Variants in MOB1A observed in about 807,000 individuals in gnomAD.
The protein encoded by MOB1A is MOB1 Mps One Binder homolog A.
Under a neutral mutation model 25.1 loss-of-function variants are expected in MOB1A, and 10 were observed. That is an observed-to-expected ratio of 0.40 (90% CI 0.25 to 0.68). The LOEUF (loss-of-function observed/expected upper bound fraction) is 0.68. Among genes scored for constraint, MOB1A ranks in the 30% least tolerant of loss-of-function variants. The pLI is 0.40. For missense variants in MOB1A, 177 were observed against 256.3 expected, an observed-to-expected ratio of 0.69 and a Z score of 2.11; for synonymous variants, 81 against 79.5, an observed-to-expected ratio of 1.02 and a Z score of -0.10.
Position 74,152,551 on chromosome 2 carries a change from T to G in MOB1A, c.*4017A>C, listed in dbSNP as rs1692686367. On this transcript the variant is annotated 3_prime_UTR_variant, in exon 6 of 6. Coordinates refer to ENST00000396049, the MANE Select transcript of MOB1A (RefSeq NM_018221.5). Reference sequence around the variant, plus strand: ...TCTGCAAAACTCTCAAGTTTCTATATTTAAATAGAAATGTGTGTTGATATA... The same window carrying G: ...TCTGCAAAACTCTCAAGTTTCTATAGTTAAATAGAAATGTGTGTTGATATA... The G allele has an allele frequency of 6.6e-6, 1 of 152,202 alleles. No homozygotes were observed. The highest frequency in any genetic ancestry group is 6.5e-5 in the Admixed American group (1 of 15,276). 9.4% of individuals were successfully genotyped at this position (152,202 alleles called of 1,614,324 possible).
intron 4 of MOB1A, among the ~76,000 whole-genome samples, chr2:74,160,408 G>A (rs1189970102): frequency 6.6e-6 from 1 of 152,152 alleles, no homozygotes; most frequent in Non-Finnish European, 1.5e-5. Flanking sequence ...AAGGCAGCCG[G>A]GCACAGTGGC....
intron 5 of MOB1A, 103 bp from the exon 6 acceptor site, chr2:74,156,748 A>G (rs1692817000): frequency 1.3e-6 from 1 of 765,100 alleles, no homozygotes; most frequent in Non-Finnish European, 2.1e-6. Flanking sequence ...CTGAAGTCCA[A>G]AAGAATGATG....
At chr2:74,174,110 C>T (rs201864061) in intron 1 of MOB1A, among the ~76,000 whole-genome samples, 1 of 94,304 alleles carries the variant, frequency 1.1e-5, no homozygotes, top group Non-Finnish European at 1.9e-5. Flanking sequence ...CACTAAAAAA[C>T]AAGTACAAAA....
chr2:74,174,591 G>A (rs187452402), intron 1 of MOB1A, among the ~76,000 whole-genome samples: 29 of 152,246 alleles, frequency 1.9e-4, no homozygotes, highest in East Asian at 5.8e-4. Context: ...GGCACAACTC[G>A]TTATTGAGGA....
chr2:74,164,006 C>T (rs1310930141), intron 4 of MOB1A: 3 of 152,004 alleles, frequency 2.0e-5, no homozygotes, highest in Admixed American at 1.3e-4. Flanking sequence ...GGAAGGGAGA[C>T]CAGCCTTACA....
intron 1 of MOB1A, among the ~76,000 whole-genome samples, chr2:74,176,123 C>CACACAG (rs1445246171): frequency 1.7e-4 from 22 of 131,698 alleles, no homozygotes; most frequent in Admixed American, 4.0e-4. Flanking sequence ...CACACACACA[C>CACACAG]AAACTAGCCG....
At chr2:74,158,172 T>A (rs1692853951) in intron 5 of MOB1A, among the ~76,000 whole-genome samples, 3 of 122,756 alleles carry the variant, frequency 2.4e-5, no homozygotes, top group South Asian at 2.4e-4. Flanking sequence ...AGAGCAAGAC[T>A]CTGTCTCCAA....
intron 2 of MOB1A, among the ~76,000 whole-genome samples, chr2:74,169,174 T>C (rs1693212335): frequency 6.6e-6 from 1 of 152,224 alleles, no homozygotes; most frequent in Non-Finnish European, 1.5e-5. Context: ...AACATATTTA[T>C]GGTAACATGT....
chr2:74,168,951 T>C (rs868008243), intron 2 of MOB1A, among the ~76,000 whole-genome samples: 1 of 152,216 alleles, frequency 6.6e-6, no homozygotes, highest in South Asian at 2.1e-4. Context: ...CAAACCATTT[T>C]AATTGTTCTT....
At position 74,159,124 on chromosome 2, in the gene MOB1A, G is replaced by A. The variant is rs775432518; in HGVS notation, c.540C>T (p.Asn180=). ...AGAAAATAAAGTGCTTAAAGGAGGT[G>A]TTGAGGTGGGCCTCCTCTTGCAGCT... ...VMQLQEEAHL[N]TSFKHFIFFV... Residue 180 remains asparagine (N), a synonymous_variant, in exon 5 of 6, where the codon AAC becomes AAT. Transcript: ENST00000396049. 2.5e-6 allele frequency: 4 copies of A among 1,614,018 alleles called. No homozygotes were observed. The highest frequency in any genetic ancestry group is 2.7e-5 in the African/African-American group (2 of 75,058).
chr2:74,166,130 G>T (rs1050353831), intron 3 of MOB1A, among the ~76,000 whole-genome samples: 1 of 151,584 alleles, frequency 6.6e-6, no homozygotes. Context: ...GAAACTGGAA[G>T]GAAACACAGC....
chr2:74,176,799 A>C (rs1405650312), intron 1 of MOB1A, among the ~76,000 whole-genome samples: 1 of 151,682 alleles, frequency 6.6e-6, no homozygotes, highest in Non-Finnish European at 1.5e-5. Context: ...AAGTGCTATG[A>C]GAGGTGTGGG....
At chr2:74,172,799 A>G in intron 1 of MOB1A, 47 bp from the exon 2 acceptor site, 1 of 1,535,374 alleles carries the variant, frequency 6.5e-7, no homozygotes, top group Non-Finnish European at 8.9e-7. Context: ...GACTGGAAGT[A>G]GAACAGGTAG....
chr2:74,165,718 T>C (rs1219504887), intron 3 of MOB1A, among the ~76,000 whole-genome samples: 2 of 152,184 alleles, frequency 1.3e-5, no homozygotes, highest in Admixed American at 6.6e-5. Context: ...ATCAATTTAT[T>C]ATCATCAATG....
At chr2:74,158,598 G>A (rs1433339023) in intron 5 of MOB1A, among the ~76,000 whole-genome samples, 1 of 152,030 alleles carries the variant, frequency 6.6e-6, no homozygotes, top group Non-Finnish European at 1.5e-5. Flanking sequence ...TGGCCAACAT[G>A]GGAAACCCCG....
At chr2:74,161,986 A>C (rs1157977133) in intron 4 of MOB1A, among the ~76,000 whole-genome samples, 4 of 152,144 alleles carry the variant, frequency 2.6e-5, no homozygotes, top group African/African-American at 9.7e-5. Flanking sequence ...AAAATCAAAC[A>C]TCTTTTTTTA....
At chr2:74,169,668 G>A (rs1001910914) in intron 2 of MOB1A, among the ~76,000 whole-genome samples, 2 of 151,348 alleles carry the variant, frequency 1.3e-5, no homozygotes, top group African/African-American at 4.9e-5. Flanking sequence ...TCACTCTGTT[G>A]CCCAGGCTGG....
At chr2:74,173,296 A>C (rs144553664) in intron 1 of MOB1A, 2 of 472,520 alleles carry the variant, frequency 4.2e-6, no homozygotes, top group African/African-American at 3.9e-5. Flanking sequence ...GGTACAGAGA[A>C]ACATCCTGGA....
chr2:74,171,665 G>A (rs1693297333), intron 2 of MOB1A, among the ~76,000 whole-genome samples: 2 of 152,154 alleles, frequency 1.3e-5, no homozygotes, highest in Non-Finnish European at 2.9e-5. Context: ...CACTTTGGGA[G>A]GCCAAAGCAG....
Sources: gnomAD v4.1 joint callset for allele counts (sites outside exome capture counted in the v4.1 genomes callset) on GRCh38, gnomAD v4.1.1 for gene constraint, MANE v1.5 for transcripts, NCBI Gene and HGNC (gene_info 2026-07-23, HGNC 2026-07-21) for gene names.